The following TACR1 variants were observed in gnomAD, a reference collection of about 807,000 sequenced individuals.
TACR1 encodes the protein substance-P receptor.
TACR1 carries 25 observed loss-of-function variants against 35.8 expected under a neutral mutation model. The observed-to-expected ratio is 0.70, with a 90% CI of 0.51 to 0.98. TACR1 has a LOEUF of 0.98. TACR1 is among the 50% of genes least tolerant of loss of function. TACR1 has a pLI of 0.00. For synonymous variants in TACR1, 195 were observed against 206.7 expected (o/e 0.94, Z 0.48); for missense variants, 478 against 522.9 (o/e 0.91, Z 0.84).
intron 2 of TACR1, among the ~76,000 whole-genome samples, chr2:75,096,158 A>G (rs79127835): frequency 0.012 from 1,824 of 152,320 alleles, 35 homozygotes; most frequent in African/African-American, 0.041. Flanking sequence ...TGGGGAGAGC[A>G]GTTGATTGTA....
At position 75,198,841 on chromosome 2, in the gene TACR1, T is replaced by G; in HGVS notation, c.94A>C (p.Ile32Leu). Residue 32 changes from isoleucine to leucine, a missense_variant, in exon 1 of 5, where the codon ATT becomes CTT. By Grantham distance (5) the Ile-to-Leu change is conservative. Transcript: ENST00000305249. ...PNQFVQPAWQ[I>L]VLWAAAYTVI... is the part of the protein sequence containing the mutation. ...GTGTAGGCAGCTGCCCAAAGGACAA[T>G]TTGCCAGGCTGGTTGCACGAACTGA... The G allele has an allele frequency of 1.2e-6, 2 of 1,614,048 alleles. No homozygotes were observed. The highest frequency in any genetic ancestry group is 1.3e-5 in the African/African-American group (1 of 75,012).
intron 2 of TACR1, among the ~76,000 whole-genome samples, chr2:75,056,679 C>T (rs1300403819): frequency 1.3e-5 from 2 of 152,202 alleles, no homozygotes; most frequent in African/African-American, 2.4e-5. Flanking sequence ...TGTGAAATCA[C>T]AGATCAGATC....
chr2:75,176,853 C>G (rs986568864), intron 1 of TACR1, among the ~76,000 whole-genome samples: 1 of 152,308 alleles, frequency 6.6e-6, no homozygotes, highest in South Asian at 2.1e-4. Context: ...TCTCAGTGAA[C>G]AGTGACTAGG....
At chr2:75,051,541 T>C (rs1672471298) in intron 3 of TACR1, 94 bp from the exon 4 acceptor site, 4 of 1,554,204 alleles carry the variant, frequency 2.6e-6, no homozygotes, top group Non-Finnish European at 3.5e-6. Flanking sequence ...GTGCACAGTA[T>C]GGGATGAAGC....
At chr2:75,059,979 G>A (rs4439987) in intron 2 of TACR1, among the ~76,000 whole-genome samples, 100,460 of 152,198 alleles carry the variant, frequency 0.66, 35,148 homozygotes, top group African/African-American at 0.9. Flanking sequence ...TCACATCTGG[G>A]TGTTAGAGCC....
intron 2 of TACR1, among the ~76,000 whole-genome samples, chr2:75,070,229 GTGTATGTGTGTGTGTGTGTGTGTA>G (rs1558542490): frequency 2.5e-5 from 3 of 119,970 alleles, no homozygotes; most frequent in Admixed American, 1.5e-4. Flanking sequence ...ATGTGTGTGT[GTGTATGTGTGTGTGTGTGTGTGTA>G]TGTGTGTGTG....
At chr2:75,054,011 G>A (rs1195263061) in intron 2 of TACR1, among the ~76,000 whole-genome samples, 1 of 151,808 alleles carries the variant, frequency 6.6e-6, no homozygotes, top group Non-Finnish European at 1.5e-5. Flanking sequence ...CTCCTGTTCA[G>A]ATTAAAAAAA....
chr2:75,081,622 G>A (rs1333603118), intron 2 of TACR1, among the ~76,000 whole-genome samples: 1 of 152,158 alleles, frequency 6.6e-6, no homozygotes, highest in Non-Finnish European at 1.5e-5. Context: ...AAAAGAAAGT[G>A]GGCCAGGATG....
chr2:75,164,615 A>C (rs986297199), intron 1 of TACR1, among the ~76,000 whole-genome samples: 3 of 152,186 alleles, frequency 2.0e-5, no homozygotes, highest in Non-Finnish European at 4.4e-5. Context: ...AGGCAGTTTG[A>C]AAGGTAAACT....
At chr2:75,063,804 C>T (rs771297050) in intron 2 of TACR1, among the ~76,000 whole-genome samples, 3 of 152,184 alleles carry the variant, frequency 2.0e-5, no homozygotes, top group South Asian at 2.1e-4. Flanking sequence ...GGACTTTAAT[C>T]GTTGAACAAA....
chr2:75,129,027 A>G (rs1674131563), intron 1 of TACR1, among the ~76,000 whole-genome samples: 1 of 152,220 alleles, frequency 6.6e-6, no homozygotes, highest in Non-Finnish European at 1.5e-5. Context: ...TCAGGTTTAT[A>G]GAAATTTGAC....
intron 1 of TACR1, among the ~76,000 whole-genome samples, chr2:75,135,599 T>C (rs984963315): frequency 6.6e-6 from 1 of 152,196 alleles, no homozygotes; most frequent in Admixed American, 6.5e-5. Context: ...GGCAGTGGCG[T>C]CGGCTTAATA....
chr2:75,091,541 C>T (rs1257062306), intron 2 of TACR1, among the ~76,000 whole-genome samples: 1 of 152,144 alleles, frequency 6.6e-6, no homozygotes, highest in African/African-American at 2.4e-5. Context: ...AACTAACGTT[C>T]ATAACTGTTA....
At chr2:75,086,495 T>C (rs1439958739) in intron 2 of TACR1, among the ~76,000 whole-genome samples, 1 of 152,170 alleles carries the variant, frequency 6.6e-6, no homozygotes, top group Non-Finnish European at 1.5e-5. Flanking sequence ...ATTTACTGAC[T>C]GACTGACTGA....
At chr2:75,086,018 T>A (rs1159484422) in intron 2 of TACR1, among the ~76,000 whole-genome samples, 1 of 152,240 alleles carries the variant, frequency 6.6e-6, no homozygotes, top group Non-Finnish European at 1.5e-5. Context: ...AGTTTCATGT[T>A]CTTAGAAGTT....
intron 1 of TACR1, among the ~76,000 whole-genome samples, chr2:75,148,986 C>G (rs1344758629): frequency 6.6e-6 from 1 of 152,172 alleles, no homozygotes; most frequent in Non-Finnish European, 1.5e-5. Flanking sequence ...GGAATCCTTT[C>G]TCCATTGCTT....
At chr2:75,115,675 G>A (rs1673838942) in intron 2 of TACR1, among the ~76,000 whole-genome samples, 1 of 152,080 alleles carries the variant, frequency 6.6e-6, no homozygotes, top group African/African-American at 2.4e-5. Context: ...GGGAGGCCGA[G>A]GCGGGTGGAT....
At chr2:75,088,902 C>T (rs756361847) in intron 2 of TACR1, among the ~76,000 whole-genome samples, 8 of 152,176 alleles carry the variant, frequency 5.3e-5, no homozygotes, top group Admixed American at 1.3e-4. Flanking sequence ...TCTGCTTTAG[C>T]TGCGTGTGGT....
intron 1 of TACR1, among the ~76,000 whole-genome samples, chr2:75,167,306 A>C (rs1446874181): frequency 6.6e-6 from 1 of 152,232 alleles, no homozygotes; most frequent in Non-Finnish European, 1.5e-5. Context: ...ACATAGGAAA[A>C]TAAACTGGCA....
Sources: allele counts gnomAD v4.1 joint callset (sites outside exome capture counted in the v4.1 genomes callset), GRCh38; gene constraint gnomAD v4.1.1; transcripts MANE v1.5; gene names NCBI Gene and HGNC (gene_info 2026-07-23, HGNC 2026-07-21).